The following SLC4A4 variants were observed in gnomAD, a reference collection of about 807,000 sequenced individuals.
The protein encoded by SLC4A4 is electrogenic sodium bicarbonate cotransporter 1.
Under a neutral mutation model 111.5 loss-of-function variants are expected in SLC4A4, and 27 were observed. The observed-to-expected ratio is 0.24, with a 90% CI of 0.18 to 0.33. The LOEUF (loss-of-function observed/expected upper bound fraction) is 0.33. Among genes scored for constraint, SLC4A4 ranks in the 10% least tolerant of loss-of-function variants. The probability of loss-of-function intolerance (pLI) is 1.00; values close to 1 mark genes in which losing one functional copy is unlikely to be tolerated. For synonymous variants in SLC4A4, 443 were observed against 463.4 expected (o/e 0.96, Z 0.57); for missense variants, 909 against 1,315.5 (o/e 0.69, Z 4.78).
At chr4:71,411,087 A>G (rs1721321951) in intron 7 of SLC4A4, among the ~76,000 whole-genome samples, 1 of 152,148 alleles carries the variant, frequency 6.6e-6, no homozygotes, top group Non-Finnish European at 1.5e-5. Flanking sequence ...CCTTTATGAT[A>G]AAGCCCAGAA....
chr4:71,322,498 T>C (rs564028524), intron 3 of SLC4A4, among the ~76,000 whole-genome samples: 5 of 152,022 alleles, frequency 3.3e-5, no homozygotes, highest in Non-Finnish European at 7.4e-5. Context: ...CTCGAACAAA[T>C]CTGTAGAGTT....
chr4:71,501,132 C>A (rs1454954865), intron 16 of SLC4A4, among the ~76,000 whole-genome samples: 2 of 152,200 alleles, frequency 1.3e-5, no homozygotes, highest in Admixed American at 1.3e-4. Context: ...CAATATCTTT[C>A]ATCAATTCTT....
intron 3 of SLC4A4, among the ~76,000 whole-genome samples, chr4:71,292,489 CTT>C (rs1219357945): frequency 6.6e-6 from 1 of 152,092 alleles, no homozygotes; most frequent in Admixed American, 6.5e-5. Context: ...TGCAATAAAA[CTT>C]AAATTGCTTA....
At chr4:71,214,874 A>G (rs534003733) in intron 1 of SLC4A4, among the ~76,000 whole-genome samples, 45 of 152,206 alleles carry the variant, frequency 3.0e-4, no homozygotes, top group Non-Finnish European at 5.0e-4. Flanking sequence ...GTTTAGAACC[A>G]TGAGGATTCA....
At chr4:71,514,095 C>CT (rs961353232) in intron 16 of SLC4A4, among the ~76,000 whole-genome samples, 1 of 152,002 alleles carries the variant, frequency 6.6e-6, no homozygotes, top group South Asian at 2.1e-4. Context: ...CTGTATTTGT[C>CT]TTTTTTTCTA....
chr4:71,486,183 T>C (rs1729385557), intron 14 of SLC4A4, among the ~76,000 whole-genome samples: 1 of 151,554 alleles, frequency 6.6e-6, no homozygotes, highest in African/African-American at 2.4e-5. Flanking sequence ...GTTTATTTTA[T>C]AATACATAAA....
At chr4:71,514,539 C>G (rs775218550) in intron 16 of SLC4A4, among the ~76,000 whole-genome samples, 5 of 152,146 alleles carry the variant, frequency 3.3e-5, no homozygotes, top group African/African-American at 4.8e-5. Flanking sequence ...AAAATTCCCT[C>G]CTCTTCAATT....
At chr4:71,311,199 T>C (rs1297063883) in intron 3 of SLC4A4, among the ~76,000 whole-genome samples, 1 of 152,044 alleles carries the variant, frequency 6.6e-6, no homozygotes, top group African/African-American at 2.4e-5. Flanking sequence ...TAAAACAAGT[T>C]CTTAGAGACT....
At chr4:71,463,976 A>G (rs1727079653) in intron 12 of SLC4A4, among the ~76,000 whole-genome samples, 1 of 152,150 alleles carries the variant, frequency 6.6e-6, no homozygotes, top group South Asian at 2.1e-4. Flanking sequence ...CATAGTAGTG[A>G]TAAGAAATAT....
intron 3 of SLC4A4, among the ~76,000 whole-genome samples, chr4:71,277,844 A>G (rs143438815): frequency 6.6e-6 from 1 of 152,252 alleles, no homozygotes; most frequent in Non-Finnish European, 1.5e-5. Flanking sequence ...ATATAAATTT[A>G]AGGTGTACAA....
At position 71,546,421 on chromosome 4, in the gene SLC4A4, T is replaced by C; in HGVS notation, c.2514T>C (p.Leu838=). 1 of 1,612,978 alleles carries C rather than the reference T, an allele frequency of 6.2e-7. No individual in the cohort carries two copies. Among genetic ancestry groups the C allele is most frequent in the South Asian group, 1.1e-5 (1 of 91,070 alleles). Residue 838 remains leucine (L), a synonymous_variant, in exon 19 of 26, where the codon CTT becomes CTC. Transcript: ENST00000264485. ...ILMVICSLMA[L]PWYVAATVIS... ...TGGTTATATGCTCCCTCATGGCTCTTCCGTGGTATGTAGCTGCTACGGTCA... is the reference window on the plus strand; with the variant it reads ...TGGTTATATGCTCCCTCATGGCTCTCCCGTGGTATGTAGCTGCTACGGTCA...
At chr4:71,128,227 C>T (rs1436432965) in intron 2 of SLC4A4, among the ~76,000 whole-genome samples, 3 of 152,188 alleles carry the variant, frequency 2.0e-5, no homozygotes, top group African/African-American at 2.4e-5. Context: ...TCACATCTTA[C>T]GTGCACGGCA....
intron 3 of SLC4A4, among the ~76,000 whole-genome samples, chr4:71,294,109 G>A (rs1036382392): frequency 6.6e-6 from 1 of 152,202 alleles, no homozygotes; most frequent in African/African-American, 2.4e-5. Context: ...ATGGAAGCAT[G>A]TTAGTAACGA....
Position 71,321,496 on chromosome 4 carries a change from G to GGTGTGCTGCT in SLC4A4, c.254-17863_254-17854dup, listed in dbSNP as rs200979641. ...TGCTGATTAGTAGACATATGTTGCT[G>GGTGTGCTGCT]GTGTGCTGCTGTGTGCTGCTACCAC... On this transcript the variant is annotated intron_variant, in intron 3 of 25. Coordinates refer to ENST00000264485, the MANE Select transcript of SLC4A4 (RefSeq NM_001098484.3). Among the ~76,000 whole-genome samples the GGTGTGCTGCT allele has an allele frequency of 5.8e-3, 889 of 152,042 alleles. 10 individuals are homozygous for GGTGTGCTGCT. The highest frequency in any genetic ancestry group is 0.019 in the African/African-American group (768 of 41,466).
rs1004337590 is a variant in SLC4A4 at position 71,255,199 on chromosome 4, T to C, written c.74-21T>C. 4.3e-6 allele frequency: 7 copies of C among 1,611,590 alleles called. No homozygotes were observed. The African/African-American group carries it at 9.4e-5, about 22-fold the overall frequency. On this transcript the variant is annotated intron_variant, in intron 2 of 25. Transcript: ENST00000264485. ...AGAGAATGTGGTTTGAACTGACTGG[T>C]GATTTGTGTACCTTCCTTAGGCCAC...
intron 6 of SLC4A4, among the ~76,000 whole-genome samples, chr4:71,362,169 G>A (rs1163414115): frequency 6.6e-6 from 1 of 152,094 alleles, no homozygotes; most frequent in Non-Finnish European, 1.5e-5. Context: ...TTTGTCCCCA[G>A]ATTACCATAA....
At chr4:71,195,961 C>A (rs1296585761) in intron 1 of SLC4A4, among the ~76,000 whole-genome samples, 1 of 152,178 alleles carries the variant, frequency 6.6e-6, no homozygotes, top group Non-Finnish European at 1.5e-5. Flanking sequence ...GGAATGAAGT[C>A]CTGAAAGTGA....
intron 12 of SLC4A4, among the ~76,000 whole-genome samples, chr4:71,465,510 C>T (rs73828159): frequency 0.022 from 3,369 of 149,766 alleles, 129 homozygotes; most frequent in African/African-American, 0.077. Context: ...TGCCATTACC[C>T]TAATTATTTT....
chr4:71,438,644 C>T (rs527817862), intron 7 of SLC4A4, among the ~76,000 whole-genome samples: 36 of 152,232 alleles, frequency 2.4e-4, no homozygotes, highest in African/African-American at 8.7e-4. Flanking sequence ...TGCAATCATT[C>T]GATAACTAGT....
Sources: allele counts gnomAD v4.1 joint callset (sites outside exome capture counted in the v4.1 genomes callset), GRCh38; gene constraint gnomAD v4.1.1; transcripts MANE v1.5; gene names NCBI Gene and HGNC (gene_info 2026-07-23, HGNC 2026-07-21).